The following OXCT1 variants were observed in gnomAD, a reference collection of about 807,000 sequenced individuals.
OXCT1 encodes 3-oxoacid CoA-transferase 1.
A neutral mutation model predicts 69.6 loss-of-function variants in OXCT1; 27 were observed. That is an observed-to-expected ratio of 0.39 (90% CI 0.29 to 0.54). OXCT1 has a LOEUF of 0.54. Ranked by LOEUF, OXCT1 falls within the 20% of genes least tolerant of loss-of-function variation. OXCT1 has a pLI of 0.72. For missense variants in OXCT1, 437 were observed against 650.2 expected (o/e 0.67, Z 3.57); for synonymous variants, 202 against 217.8 (o/e 0.93, Z 0.64).
At chr5:41,868,588 T>G (rs1338554935) in intron 1 of OXCT1, among the ~76,000 whole-genome samples, 1 of 151,412 alleles carries the variant, frequency 6.6e-6, no homozygotes, top group Non-Finnish European at 1.5e-5. Flanking sequence ...CCGGGCGTAG[T>G]GGCGGGCGCC....
intron 3 of OXCT1, 71 bp from the exon 4 acceptor site, chr5:41,853,625 A>G (rs1449344342): frequency 1.3e-6 from 2 of 1,499,136 alleles, no homozygotes; most frequent in African/African-American, 1.4e-5. Context: ...TTAAAGAGAT[A>G]AAACTTTGTT....
intron 4 of OXCT1, among the ~76,000 whole-genome samples, chr5:41,853,066 G>A (rs901742855): frequency 6.6e-6 from 1 of 151,322 alleles, no homozygotes; most frequent in African/African-American, 2.4e-5. Flanking sequence ...GTAAGACTCT[G>A]CCTCAAAAAA....
rs764205833 is a variant in OXCT1 at position 41,794,752 on chromosome 5, A to T, written c.1100-3T>A. 7 of 1,613,168 alleles carry T rather than the reference A, an allele frequency of 4.3e-6. No individual in the cohort carries two copies. The highest frequency in any genetic ancestry group is 5.9e-6 in the Non-Finnish European group (7 of 1,179,850). ...AAGAATAGTAACTGTTTCCTTGCCTAAACACACACACACACAAAAGAAAGA... is the reference window on the plus strand; with the variant it reads ...AAGAATAGTAACTGTTTCCTTGCCTTAACACACACACACACAAAAGAAAGA... On this transcript the variant is annotated splice_region_variant and splice_polypyrimidine_tract_variant and intron_variant, in intron 11 of 16. Transcript: ENST00000196371.
intron 7 of OXCT1, among the ~76,000 whole-genome samples, chr5:41,824,221 T>C (rs1199294583): frequency 6.6e-6 from 1 of 152,212 alleles, no homozygotes; most frequent in Non-Finnish European, 1.5e-5. Context: ...CTATAAAATA[T>C]ACACAATAAA....
At chr5:41,820,132 A>G (rs1339608541) in intron 7 of OXCT1, among the ~76,000 whole-genome samples, 1 of 152,222 alleles carries the variant, frequency 6.6e-6, no homozygotes, top group Non-Finnish European at 1.5e-5. Flanking sequence ...CATTAAAATA[A>G]GACACAAAAT....
chr5:41,809,887 T>C (rs571437697), intron 7 of OXCT1, among the ~76,000 whole-genome samples: 1 of 152,190 alleles, frequency 6.6e-6, no homozygotes, highest in South Asian at 2.1e-4. Context: ...GTCATCCTAA[T>C]ATAAATGGCT....
chr5:41,852,056 C>T (rs1391126273), intron 4 of OXCT1, among the ~76,000 whole-genome samples: 1 of 152,148 alleles, frequency 6.6e-6, no homozygotes, highest in Non-Finnish European at 1.5e-5. Context: ...ATGCTCTCCG[C>T]CATGCAAGAA....
chr5:41,847,043 A>C (rs1426868931), intron 5 of OXCT1, among the ~76,000 whole-genome samples: 1 of 152,136 alleles, frequency 6.6e-6, no homozygotes, highest in East Asian at 1.9e-4. Context: ...CAAGACTAAT[A>C]AAGAAAAAAA....
intron 5 of OXCT1, among the ~76,000 whole-genome samples, chr5:41,846,888 G>A (rs1748934595): frequency 6.6e-6 from 1 of 152,092 alleles, no homozygotes; most frequent in South Asian, 2.1e-4. Flanking sequence ...GCCAGTGATG[G>A]TGAGCATTTT....
chr5:41,782,253 T>C (rs896728263), intron 13 of OXCT1, among the ~76,000 whole-genome samples: 2 of 151,790 alleles, frequency 1.3e-5, no homozygotes, highest in Admixed American at 1.3e-4. Context: ...CTTGCTCTGC[T>C]GCCCAGGCTG....
intron 1 of OXCT1, chr5:41,869,934 C>A (rs1190653718): frequency 2.6e-6 from 1 of 386,328 alleles, no homozygotes; most frequent in Non-Finnish European, 5.0e-6. Context: ...TTCAGACCCT[C>A]AGAGTCCCTA....
chr5:41,754,145 A>G (rs1469214065), intron 14 of OXCT1, among the ~76,000 whole-genome samples: 1 of 117,160 alleles, frequency 8.5e-6, no homozygotes, highest in Non-Finnish European at 1.9e-5. Context: ...GCTGAAAAGA[A>G]GGACTACAAG....
chr5:41,859,884 TATGTAA>T (rs1345643993), intron 3 of OXCT1, among the ~76,000 whole-genome samples: 2 of 117,860 alleles, frequency 1.7e-5, no homozygotes, highest in Non-Finnish European at 3.8e-5. Flanking sequence ...TATATATATA[TATGTAA>T]TATATATATA....
intron 12 of OXCT1, 141 bp downstream of exon 12, chr5:41,794,536 C>T (rs2112230452): frequency 1.3e-6 from 1 of 751,956 alleles, no homozygotes; most frequent in Non-Finnish European, 2.2e-6. Context: ...TGAATAATTT[C>T]ACACCCTGCA....
At chr5:41,860,778 C>T (rs1749692543) in intron 3 of OXCT1, among the ~76,000 whole-genome samples, 1 of 152,076 alleles carries the variant, frequency 6.6e-6, no homozygotes. Flanking sequence ...TTTCTGACCA[C>T]TATAATATGC....
intron 7 of OXCT1, among the ~76,000 whole-genome samples, chr5:41,828,252 C>A (rs1003391899): frequency 6.6e-6 from 1 of 151,984 alleles, no homozygotes; most frequent in Non-Finnish European, 1.5e-5. Context: ...GGATTACAGG[C>A]GCTTGCCACC....
At chr5:41,782,129 T>A (rs1186697557) in intron 13 of OXCT1, among the ~76,000 whole-genome samples, 6 of 151,386 alleles carry the variant, frequency 4.0e-5, no homozygotes, top group Admixed American at 1.3e-4. Flanking sequence ...TTTTTTTTTT[T>A]AATTTTTAGT....
intron 5 of OXCT1, among the ~76,000 whole-genome samples, chr5:41,847,699 A>T (rs1176532118): frequency 6.6e-6 from 1 of 152,236 alleles, no homozygotes; most frequent in African/African-American, 2.4e-5. Flanking sequence ...ATCTCAATAG[A>T]TGCAGAAAAG....
At position 41,843,917 on chromosome 5, in the gene OXCT1, A is replaced by G. The variant is rs6877299; in HGVS notation, c.565-1136T>C. On this transcript the variant is annotated intron_variant, in intron 5 of 16. Coordinates refer to ENST00000196371, the MANE Select transcript of OXCT1 (RefSeq NM_000436.4). ...CTTACTATAGGAACTAAGATAAATT[A>G]TATGAAAGATATTTCTGAGCCACAT... is the stretch of plus-strand genomic sequence containing the variant. Among the ~76,000 whole-genome samples the G allele has an allele frequency of 1.8e-3, 280 of 152,352 alleles. 1 individual carries two copies. The highest frequency in any genetic ancestry group is 6.3e-3 in the African/African-American group (262 of 41,580).
Sources: gnomAD v4.1 joint callset for allele counts (sites outside exome capture counted in the v4.1 genomes callset) on GRCh38, gnomAD v4.1.1 for gene constraint, MANE v1.5 for transcripts, NCBI Gene and HGNC (gene_info 2026-07-23, HGNC 2026-07-21) for gene names.